The following KALRN variants were observed in gnomAD, a reference collection of about 807,000 sequenced individuals.
KALRN encodes the protein kalirin RhoGEF kinase, also known as kalirin.
KALRN carries 70 observed loss-of-function variants against 353.7 expected under a neutral mutation model. The ratio of observed to expected loss-of-function variants is 0.20; its 90% CI spans 0.16 to 0.24. The LOEUF (loss-of-function observed/expected upper bound fraction) is 0.24. Ranked by LOEUF, KALRN falls within the 10% of genes least tolerant of loss-of-function variation. The pLI, the probability that KALRN is intolerant of heterozygous loss-of-function variation, is 1.00. For missense variants in KALRN, 2,791 were observed against 3,756.7 expected (o/e 0.74, Z 6.72); for synonymous variants, 1,391 against 1,434.8 (o/e 0.97, Z 0.69).
intron 33 of KALRN, chr3:124,562,603 GA>G: frequency 6.3e-6 from 2 of 315,340 alleles, no homozygotes; most frequent in Admixed American, 4.4e-5. Context: ...AAGCCTGAGT[GA>G]TTGAATAGCA....
intron 1 of KALRN, among the ~76,000 whole-genome samples, chr3:124,089,180 C>T (rs2060974612): frequency 6.6e-6 from 1 of 152,182 alleles, no homozygotes; most frequent in South Asian, 2.1e-4. Flanking sequence ...TTGAACTTCA[C>T]ATTCATTATT....
At chr3:124,486,592 G>A (rs140838601) in intron 28 of KALRN, among the ~76,000 whole-genome samples, 2 of 152,180 alleles carry the variant, frequency 1.3e-5, no homozygotes, top group African/African-American at 2.4e-5. Context: ...TGGATTTTTC[G>A]ATCAAACCCT....
chr3:124,543,053 C>A (rs2069212309), intron 33 of KALRN, among the ~76,000 whole-genome samples: 1 of 152,126 alleles, frequency 6.6e-6, no homozygotes, highest in Non-Finnish European at 1.5e-5. Flanking sequence ...ACCTTGCGGA[C>A]CTCTCTCTAG....
intron 1 of KALRN, among the ~76,000 whole-genome samples, chr3:124,080,476 C>T (rs2060484670): frequency 6.6e-6 from 1 of 152,178 alleles, no homozygotes. Flanking sequence ...AGATAGATAT[C>T]ATCAGAAATG....
chr3:124,495,965 G>GTGTATATATATATATATATATATA lies in KALRN; in HGVS notation c.4833-345_4833-344insGTATATATATATATATATATATAT. Among the ~76,000 whole-genome samples the GTGTATATATATATATATATATATA allele has an allele frequency of 4.8e-5, 2 of 41,482 alleles. 1 individual carries two copies. Among genetic ancestry groups the GTGTATATATATATATATATATATA allele is most frequent in the Non-Finnish European group, 7.8e-5 (2 of 25,552 alleles). 27.2% of individuals were successfully genotyped at this position (41,482 alleles called of 152,430 possible). A position where few individuals can be genotyped will look rare whatever the true frequency, so the allele number is the denominator to read the frequency against. The stretch of plus-strand genomic sequence containing the variant: ...CCCAAGTGTGTGTATGTGTATGTAT[G>GTGTATATATATATATATATATATA]TATATATATATATATATATATATAT... On this transcript the variant is annotated intron_variant, in intron 32 of 59. Transcript: ENST00000682506.
chr3:124,657,231 C>T (rs2084164214), intron 39 of KALRN, among the ~76,000 whole-genome samples: 1 of 152,146 alleles, frequency 6.6e-6, no homozygotes, highest in South Asian at 2.1e-4. Context: ...CTTAAGGGGA[C>T]TGGAGACAAA....
chr3:124,130,305 T>C (rs535678264), intron 1 of KALRN, among the ~76,000 whole-genome samples: 2 of 152,352 alleles, frequency 1.3e-5, no homozygotes, highest in South Asian at 2.1e-4. Context: ...ATGTTAAATG[T>C]ATATTCAGAG....
At chr3:124,450,522 C>G (rs1183745110) in intron 21 of KALRN, among the ~76,000 whole-genome samples, 4 of 151,232 alleles carry the variant, frequency 2.6e-5, no homozygotes, top group Non-Finnish European at 4.4e-5. Context: ...AGAATCTAAA[C>G]AGTTCAGATA....
chr3:124,591,687 A>G (rs67722884), intron 34 of KALRN, among the ~76,000 whole-genome samples: 17,833 of 152,210 alleles, frequency 0.12, 1,134 homozygotes, highest in African/African-American at 0.16. Flanking sequence ...TGCTCTAAAA[A>G]AATTAGCTAT....
chr3:124,191,236 C>A (rs995622133), intron 1 of KALRN, among the ~76,000 whole-genome samples: 1 of 152,128 alleles, frequency 6.6e-6, no homozygotes. Context: ...TTTATGGAGT[C>A]TTCATTGTAT....
intron 33 of KALRN, among the ~76,000 whole-genome samples, chr3:124,517,313 A>C (rs1485154236): frequency 1.3e-5 from 2 of 152,078 alleles, no homozygotes; most frequent in African/African-American, 4.8e-5. Flanking sequence ...CTTGATGCTG[A>C]AGTATTTTCT....
At chr3:124,082,812 A>G (rs963312377) in intron 1 of KALRN, among the ~76,000 whole-genome samples, 3 of 152,238 alleles carry the variant, frequency 2.0e-5, no homozygotes, top group Non-Finnish European at 4.4e-5. Context: ...AACCACCCTT[A>G]TAAAGAAGAG....
intron 1 of KALRN, among the ~76,000 whole-genome samples, chr3:124,170,772 C>T (rs2150107706): frequency 7.3e-6 from 1 of 137,324 alleles, no homozygotes; most frequent in Non-Finnish European, 1.5e-5. Flanking sequence ...TCTCAGGGCA[C>T]AAACAACATG....
intron 5 of KALRN, among the ~76,000 whole-genome samples, chr3:124,294,143 G>C (rs944413010): frequency 6.6e-6 from 1 of 151,944 alleles, no homozygotes; most frequent in African/African-American, 2.4e-5. Flanking sequence ...AGTACCATCT[G>C]GGGTAAGAGA....
intron 34 of KALRN, among the ~76,000 whole-genome samples, chr3:124,566,409 G>A (rs941573541): frequency 1.3e-5 from 2 of 152,036 alleles, no homozygotes; most frequent in African/African-American, 4.8e-5. Context: ...GGAGGCTGAG[G>A]TGGGAGGATC....
intron 34 of KALRN, among the ~76,000 whole-genome samples, chr3:124,599,016 G>T (rs1488877007): frequency 6.6e-6 from 1 of 152,050 alleles, no homozygotes; most frequent in East Asian, 1.9e-4. Context: ...AGAACAAGAT[G>T]CTCTGAGACT....
intron 33 of KALRN, among the ~76,000 whole-genome samples, chr3:124,553,930 G>A (rs920930629): frequency 2.0e-5 from 3 of 152,256 alleles, no homozygotes; most frequent in African/African-American, 7.2e-5. Flanking sequence ...AGATAGAAGG[G>A]AGAATAAATA....
intron 59 of KALRN, 66 bp downstream of exon 59, chr3:124,717,451 C>A (rs968549241): frequency 3.4e-6 from 4 of 1,183,102 alleles, no homozygotes; most frequent in South Asian, 1.7e-5. Flanking sequence ...CTTTGGGAGG[C>A]CAAGGTGGGC....
chr3:124,128,786 C>T (rs1208434243), intron 1 of KALRN, among the ~76,000 whole-genome samples: 1 of 152,112 alleles, frequency 6.6e-6, no homozygotes, highest in Non-Finnish European at 1.5e-5. Flanking sequence ...GGTCTTCCTA[C>T]TTGCCTCCTT....
Sources: allele counts gnomAD v4.1 joint callset (sites outside exome capture counted in the v4.1 genomes callset), GRCh38; gene constraint gnomAD v4.1.1; transcripts MANE v1.5; gene names NCBI Gene and HGNC (gene_info 2026-07-23, HGNC 2026-07-21).